Variants in ABI1 observed in about 807,000 individuals in gnomAD.
ABI1 encodes the protein abl interactor 1, also known as Abelson interactor 1.
A neutral mutation model predicts 54.6 loss-of-function variants in ABI1; 14 were observed. That is an observed-to-expected ratio of 0.26 (90% CI 0.17 to 0.40). The LOEUF (loss-of-function observed/expected upper bound fraction) is 0.40. Ranked by LOEUF, ABI1 falls within the 10% of genes least tolerant of loss-of-function variation. ABI1 has a pLI of 1.00. For missense variants in ABI1, 443 were observed against 598.3 expected (o/e 0.74, Z 2.71); for synonymous variants, 194 against 209.3 (o/e 0.93, Z 0.63).
At chr10:26,834,562 C>T (rs963088507) in intron 1 of ABI1, among the ~76,000 whole-genome samples, 1 of 150,506 alleles carries the variant, frequency 6.6e-6, no homozygotes, top group East Asian at 2.0e-4. Context: ...CACACACACA[C>T]ACACACACAC....
At chr10:26,851,760 C>T (rs1187864569) in intron 1 of ABI1, among the ~76,000 whole-genome samples, 4 of 151,442 alleles carry the variant, frequency 2.6e-5, no homozygotes, top group Admixed American at 1.3e-4. Flanking sequence ...ATAGGGTGAG[C>T]GAGGATAGCA....
Position 26,860,116 on chromosome 10 carries a change from C to T in ABI1, c.117+631G>A, listed in dbSNP as rs2051174353. 2.0e-5 allele frequency among the ~76,000 whole-genome samples: 3 copies of T among 152,190 alleles called. No individual in the cohort carries two copies. The highest frequency in any genetic ancestry group is 2.0e-4 in the Admixed American group (3 of 15,278). ...CTCCCTCACTCCCCACACCCGCTTC[C>T]TCCTCTCCTCCGGGAGGTCGGTGTA... On this transcript the variant is annotated intron_variant, in intron 1 of 10. Coordinates refer to ENST00000376140, the MANE Select transcript of ABI1 (RefSeq NM_001012750.3). This position sits in a 1 kb window ranked among gnomAD's most constrained non-coding sequence, Gnocchi z 4.1.
intron 6 of ABI1, among the ~76,000 whole-genome samples, chr10:26,768,158 G>A (rs532132170): frequency 6.6e-6 from 1 of 152,006 alleles, no homozygotes; most frequent in Non-Finnish European, 1.5e-5. Flanking sequence ...ATCTCTGAAA[G>A]TTTAAATCAC....
chr10:26,781,772 G>A (rs905397212), intron 2 of ABI1, among the ~76,000 whole-genome samples: 3 of 152,118 alleles, frequency 2.0e-5, no homozygotes, highest in African/African-American at 7.2e-5. Context: ...AACCATCTGG[G>A]TCACTAATAT....
chr10:26,859,092 C>G (rs536253340), intron 1 of ABI1, among the ~76,000 whole-genome samples: 26 of 152,178 alleles, frequency 1.7e-4, no homozygotes, highest in African/African-American at 5.8e-4. Flanking sequence ...ACTACGAGAT[C>G]ACTTTTATAT....
chr10:26,763,873 A>G (rs201631906), intron 7 of ABI1: 42 of 1,610,244 alleles, frequency 2.6e-5, no homozygotes, highest in Non-Finnish European at 3.3e-5. Context: ...TGGCTATGCA[A>G]TCTCACCTAT....
At chr10:26,815,548 T>C (rs1207104206) in intron 2 of ABI1, among the ~76,000 whole-genome samples, 1 of 152,258 alleles carries the variant, frequency 6.6e-6, no homozygotes, top group Non-Finnish European at 1.5e-5. Flanking sequence ...TTTTGCACAG[T>C]TCTGATACGC....
Position 26,772,978 on chromosome 10 carries a change from G to A in ABI1, c.463-1889C>T, listed in dbSNP as rs117717221. On this transcript the variant is annotated intron_variant, in intron 3 of 10. Transcript: ENST00000376140. ...TGTAGTCCCAGCTACTTGGATGGCT[G>A]AGGAGGGAGGATCACTTGAGCCTAG... Among the ~76,000 whole-genome samples the A allele has an allele frequency of 9.5e-3, 1,443 of 152,060 alleles. 8 individuals carry two copies. The highest frequency in any genetic ancestry group is 0.013 in the Non-Finnish European group (887 of 67,998).
chr10:26,849,545 C>T (rs1224586803), intron 1 of ABI1, among the ~76,000 whole-genome samples: 1 of 152,200 alleles, frequency 6.6e-6, no homozygotes, highest in East Asian at 1.9e-4. Context: ...GCCAATTGTT[C>T]ATGGAACACC....
rs1240196074 is a variant in ABI1 at position 26,765,202 on chromosome 10, T to C, written c.820+16A>G. The C allele has an allele frequency of 6.4e-7, 1 of 1,554,456 alleles. No individual in the cohort carries two copies. Among genetic ancestry groups the C allele is most frequent in the Non-Finnish European group, 8.8e-7 (1 of 1,141,310 alleles). On this transcript the variant is annotated intron_variant, in intron 7 of 10. Transcript: ENST00000376140. ...AATATTATCATGTATTAAACATAGA[T>C]TAATAAATAACACACCTGGTCCAAT...
chr10:26,819,525 A>G (rs557992758), intron 2 of ABI1, among the ~76,000 whole-genome samples: 32 of 152,360 alleles, frequency 2.1e-4, no homozygotes, highest in East Asian at 1.3e-3. Context: ...TAAAACAATT[A>G]GATAGAATCA....
intron 2 of ABI1, among the ~76,000 whole-genome samples, chr10:26,784,630 A>C (rs981948720): frequency 6.6e-5 from 10 of 152,186 alleles, no homozygotes; most frequent in Non-Finnish European, 1.0e-4. Context: ...CCTTGGGAGT[A>C]TTTCTTGTTT....
chr10:26,807,913 G>A (rs2046977190), intron 2 of ABI1, among the ~76,000 whole-genome samples: 1 of 152,010 alleles, frequency 6.6e-6, no homozygotes, highest in Non-Finnish European at 1.5e-5. Flanking sequence ...CCAAAATGGT[G>A]AAACCCCGCC....
At chr10:26,855,059 T>C (rs2134298805) in intron 1 of ABI1, among the ~76,000 whole-genome samples, 1 of 152,260 alleles carries the variant, frequency 6.6e-6, no homozygotes, top group East Asian at 1.9e-4. Flanking sequence ...GATTTCAGAT[T>C]TTCAGATTAG....
chr10:26,843,468 AAAAAAAAAAAAAAAAAAATATAT>A (rs1305152783), intron 1 of ABI1, among the ~76,000 whole-genome samples: 3 of 84,680 alleles, frequency 3.5e-5, no homozygotes, highest in African/African-American at 1.3e-4. Context: ...AAAAAAAAAA[AAAAAAAAAAAAAAAAAAATATAT>A]ATATATATAT....
chr10:26,851,374 T>TTTTTA (rs2050377909), intron 1 of ABI1, among the ~76,000 whole-genome samples: 3 of 145,198 alleles, frequency 2.1e-5, no homozygotes, highest in South Asian at 4.5e-4. Flanking sequence ...TTTTTTTTTT[T>TTTTTA]GAGACAGGGT....
intron 7 of ABI1, among the ~76,000 whole-genome samples, 188 bp from the exon 8 acceptor site, chr10:26,759,426 G>GA (rs548163968): frequency 1.5e-4 from 23 of 148,644 alleles, no homozygotes; most frequent in Middle Eastern, 3.4e-3. Context: ...AAAACAGAGA[G>GA]AAAAAAAAAC....
intron 2 of ABI1, among the ~76,000 whole-genome samples, chr10:26,811,659 C>A (rs2047235044): frequency 6.6e-6 from 1 of 152,036 alleles, no homozygotes; most frequent in Non-Finnish European, 1.5e-5. Flanking sequence ...GAATATTATA[C>A]AATTTTATAA....
At chr10:26,858,843 A>T (rs1271208326) in intron 1 of ABI1, among the ~76,000 whole-genome samples, 1 of 152,216 alleles carries the variant, frequency 6.6e-6, no homozygotes, top group Non-Finnish European at 1.5e-5. Flanking sequence ...TTACCACACT[A>T]TATACTTGTC....
Sources: allele counts gnomAD v4.1 joint callset (sites outside exome capture counted in the v4.1 genomes callset), GRCh38; gene constraint gnomAD v4.1.1; non-coding constraint Gnocchi (gnomAD v3.1); transcripts MANE v1.5; gene names NCBI Gene and HGNC (gene_info 2026-07-23, HGNC 2026-07-21).